PLEKHA5: variants seen among roughly 807,000 people sequenced by gnomAD.
The protein encoded by PLEKHA5 is pleckstrin homology domain-containing family A member 5.
A neutral mutation model predicts 181.9 loss-of-function variants in PLEKHA5; 55 were observed. The observed-to-expected ratio is 0.30, with a 90% confidence interval of 0.24 to 0.38. The LOEUF (loss-of-function observed/expected upper bound fraction) is 0.38, where lower values mean the gene tolerates loss of function less well. Ranked by LOEUF, PLEKHA5 falls within the 10% of genes least tolerant of loss-of-function variation. The pLI is 1.00. For missense variants in PLEKHA5, 1,432 were observed against 1,549.5 expected (o/e 0.92, Z 1.27); for synonymous variants, 535 against 529.4 (o/e 1.01, Z -0.15).
chr12:19,353,528 C>T (rs753856661), intron 25 of PLEKHA5, among the ~76,000 whole-genome samples: 16 of 151,354 alleles, frequency 1.1e-4, no homozygotes, highest in South Asian at 2.1e-4. Context: ...GGTGCGATCT[C>T]GGTTTACTGC....
In PLEKHA5 at chr12:19,375,882, T is replaced by G. The variant is rs1220415788; in HGVS notation, c.*363T>G. 1 of 152,456 alleles carries G rather than the reference T, an allele frequency of 6.6e-6. No homozygotes were observed. The highest frequency in any genetic ancestry group is 1.5e-5 in the Non-Finnish European group (1 of 68,012). 9.4% of individuals were successfully genotyped at this position (152,456 alleles called of 1,614,324 possible). A position where few individuals can be genotyped will look rare whatever the true frequency, so the allele number is the denominator to read the frequency against. ...TCTAGGTGAATTTATATATATATTT[T>G]TTTGCTTTTCATTTTCTAAAGTTAG... is the stretch of plus-strand genomic sequence containing the variant. On this transcript the variant is annotated 3_prime_UTR_variant, in exon 32 of 32. Transcript: ENST00000429027.
intron 3 of PLEKHA5, among the ~76,000 whole-genome samples, chr12:19,158,348 G>A (rs1475989035): frequency 1.3e-5 from 2 of 151,324 alleles, no homozygotes; most frequent in East Asian, 3.9e-4. Flanking sequence ...GTGAGACTCC[G>A]ACTCAAAAAA....
chr12:19,349,681 C>T (rs1158322605), intron 25 of PLEKHA5, among the ~76,000 whole-genome samples: 3 of 150,164 alleles, frequency 2.0e-5, no homozygotes, highest in African/African-American at 7.4e-5. Context: ...CCGAGGTGGG[C>T]GGATCACCTG....
intron 3 of PLEKHA5, among the ~76,000 whole-genome samples, chr12:19,187,608 A>G: frequency 6.6e-6 from 1 of 152,314 alleles, no homozygotes; most frequent in South Asian, 2.1e-4. Context: ...TCAGAGGTCA[A>G]GTTTTGCCAT....
intron 8 of PLEKHA5, among the ~76,000 whole-genome samples, chr12:19,267,947 C>G (rs184455888): frequency 1.3e-5 from 2 of 150,984 alleles, no homozygotes; most frequent in Non-Finnish European, 2.9e-5. Flanking sequence ...GCAACAAGAG[C>G]GAAACTCTGG....
rs2094017638 is a variant in PLEKHA5 at position 19,342,545 on chromosome 12, A to G, written c.2551-778A>G. The stretch of plus-strand genomic sequence containing the variant: ...GTGGCACATGCCTGTAATCCTAGCT[A>G]CTCGGGAGGCTGAGGCAGGGCAATT... On this transcript the variant is annotated intron_variant, in intron 21 of 31. Transcript: ENST00000429027. 2.6e-5 allele frequency among the ~76,000 whole-genome samples: 4 copies of G among 152,174 alleles called. No individual in the cohort carries two copies. The South Asian group carries it at 8.3e-4, about 32-fold the overall frequency.
chr12:19,348,123 T>TA (rs1265748181), intron 24 of PLEKHA5, among the ~76,000 whole-genome samples: 1 of 152,136 alleles, frequency 6.6e-6, no homozygotes, highest in African/African-American at 2.4e-5. Flanking sequence ...CCTCAGGTGA[T>TA]ACACCCACCT....
At chr12:19,361,244 G>A (rs1453753337) in intron 28 of PLEKHA5, among the ~76,000 whole-genome samples, 6 of 152,044 alleles carry the variant, frequency 3.9e-5, no homozygotes, top group African/African-American at 1.4e-4. Flanking sequence ...AGTGCAGTCC[G>A]CGATCTCCGC....
chr12:19,249,963 T>C (rs1483346606), intron 3 of PLEKHA5, among the ~76,000 whole-genome samples: 1 of 152,200 alleles, frequency 6.6e-6, no homozygotes, highest in East Asian at 1.9e-4. Flanking sequence ...ACTGCTGACC[T>C]TTCTGGAGGT....
Position 19,130,100 on chromosome 12 carries a change from G to T in PLEKHA5, c.139G>T (p.Val47Leu). 1.3e-6 allele frequency: 2 copies of T among 1,586,594 alleles called. No individual in the cohort carries two copies. The highest frequency in any genetic ancestry group is 1.7e-6 in the Non-Finnish European group (2 of 1,168,004). ...GCTGCACCCCGTCACCGGCGAGGCGGTGGTCACCGGACACCGGCGGCAGAG... is the reference window on the plus strand; with the variant it reads ...GCTGCACCCCGTCACCGGCGAGGCGTTGGTCACCGGACACCGGCGGCAGAG... ...TWLHPVTGEA[V>L]VTGHRRQSTD... Residue 47 changes from valine (V) to leucine (L), a missense_variant, in exon 2 of 32, where the codon GTG (valine) becomes TTG (leucine). Around this residue, in one of 2 missense-constraint regions of PLEKHA5, gnomAD observed 289 missense variants for 381.1 expected, o/e 0.76. Transcript: ENST00000429027. This position sits in a 1 kb window ranked among gnomAD's most constrained non-coding sequence, Gnocchi z 4.5.
intron 25 of PLEKHA5, among the ~76,000 whole-genome samples, chr12:19,353,529 G>A (rs1169986105): frequency 1.3e-5 from 2 of 151,422 alleles, no homozygotes; most frequent in Non-Finnish European, 2.9e-5. Flanking sequence ...GTGCGATCTC[G>A]GTTTACTGCA....
intron 11 of PLEKHA5, among the ~76,000 whole-genome samples, chr12:19,278,392 A>G (rs538335764): frequency 4.6e-5 from 7 of 152,326 alleles, no homozygotes; most frequent in South Asian, 2.1e-4. Flanking sequence ...TTTAGATATT[A>G]GTTTATAAGC....
intron 15 of PLEKHA5, chr12:19,303,498 GGC>G (rs1409371364): frequency 2.0e-5 from 3 of 152,178 alleles, no homozygotes; most frequent in Non-Finnish European, 4.4e-5. Flanking sequence ...AGTGGCGCAA[GGC>G]TATATAGTCC....
chr12:19,265,842 G>T lies in PLEKHA5; in HGVS notation c.703G>T (p.Ala235Ser). 1 of 1,571,752 alleles carries T rather than the reference G, an allele frequency of 6.4e-7. No individual in the cohort carries two copies. The highest frequency in any genetic ancestry group is 8.7e-7 in the Non-Finnish European group (1 of 1,145,794). The change falls in exon 8 of 32, where the codon GCT becomes TCT. Residue 235 changes from alanine to serine, a missense_variant. By Grantham distance (99) the Ala-to-Ser change is moderately conservative. Around this residue, in one of 2 missense-constraint regions of PLEKHA5, gnomAD observed 289 missense variants for 381.1 expected, o/e 0.76. Transcript: ENST00000429027. The stretch of plus-strand genomic sequence containing the variant: ...TGAAGATCACATTAATCGCAAATAT[G>T]CTTTTAAGGTAAGGAAATAATGCAG... The part of the protein sequence containing the change: ...TSEDHINRKY[A>S]FKAAHPNMRT...
chr12:19,174,403 G>C (rs186183589), intron 3 of PLEKHA5, among the ~76,000 whole-genome samples: 47 of 152,142 alleles, frequency 3.1e-4, no homozygotes, highest in Non-Finnish European at 5.7e-4. Flanking sequence ...AAGCAAACAT[G>C]GGTAGTATCA....
intron 20 of PLEKHA5, among the ~76,000 whole-genome samples, chr12:19,323,748 A>G (rs188667435): frequency 2.0e-5 from 3 of 151,050 alleles, no homozygotes; most frequent in African/African-American, 7.3e-5. Context: ...CCTAGGAGGC[A>G]GAGGTTGCAG....
chr12:19,252,918 G>T (rs996528692), intron 3 of PLEKHA5, among the ~76,000 whole-genome samples: 2 of 151,784 alleles, frequency 1.3e-5, no homozygotes, highest in African/African-American at 4.8e-5. Flanking sequence ...TTAGTACTCT[G>T]TAATGCACCC....
intron 3 of PLEKHA5, among the ~76,000 whole-genome samples, chr12:19,202,863 C>T (rs1270766422): frequency 6.6e-6 from 1 of 152,024 alleles, no homozygotes; most frequent in African/African-American, 2.4e-5. Context: ...ACTGTCCTAC[C>T]TGCGTTAGGA....
chr12:19,278,436 T>A (rs1185890326), intron 11 of PLEKHA5, among the ~76,000 whole-genome samples: 1 of 152,170 alleles, frequency 6.6e-6, no homozygotes, highest in Non-Finnish European at 1.5e-5. Context: ...ATAATGTATG[T>A]CCCCTTCCTT....
Sources: gnomAD v4.1 joint callset for allele counts (sites outside exome capture counted in the v4.1 genomes callset) on GRCh38, gnomAD v4.1.1 for gene constraint, gnomAD v4.1.1 regional missense constraint, Gnocchi (gnomAD v3.1) non-coding constraint, MANE v1.5 for transcripts, NCBI Gene and HGNC (gene_info 2026-07-23, HGNC 2026-07-21) for gene names.